MIPOL1: variants seen among roughly 807,000 people sequenced by gnomAD.
MIPOL1 encodes the protein mirror-image polydactyly gene 1 protein.
Under a neutral mutation model 60.9 loss-of-function variants are expected in MIPOL1, and 57 were observed. The observed-to-expected ratio is 0.94, with a 90% CI of 0.76 to 1.17. The LOEUF (loss-of-function observed/expected upper bound fraction) is 1.17. MIPOL1 is among the 50% of genes most tolerant of loss of function. The pLI is 0.00. For missense variants in MIPOL1, 551 were observed against 511.6 expected (o/e 1.08, Z -0.74); for synonymous variants, 179 against 168.8 (o/e 1.06, Z -0.47).
intron 7 of MIPOL1, 106 bp downstream of exon 7, chr14:37,285,553 A>G: frequency 8.9e-7 from 1 of 1,122,176 alleles, no homozygotes; most frequent in Non-Finnish European, 1.2e-6. Flanking sequence ...TATGTGTTAC[A>G]CTAGGAAATT....
intron 12 of MIPOL1, chr14:37,506,058 C>A (rs1040396992): frequency 7.2e-5 from 11 of 151,994 alleles, no homozygotes; most frequent in African/African-American, 2.4e-4. Flanking sequence ...TGTGAAGGAC[C>A]CCTTCAAAGA....
At chr14:37,342,432 C>G (rs1405468168) in intron 9 of MIPOL1, among the ~76,000 whole-genome samples, 1 of 150,968 alleles carries the variant, frequency 6.6e-6, no homozygotes, top group African/African-American at 2.4e-5. Context: ...GAATCTCGCT[C>G]TGTCACCCGG....
At chr14:37,312,025 G>GTTT (rs2087381109) in intron 9 of MIPOL1, among the ~76,000 whole-genome samples, 1 of 151,998 alleles carries the variant, frequency 6.6e-6, no homozygotes. Flanking sequence ...TCTGAATTTG[G>GTTT]GTTTGTTTTT....
At chr14:37,369,453 A>T in intron 9 of MIPOL1, 64 bp from the exon 10 acceptor site, 1 of 1,154,900 alleles carries the variant, frequency 8.7e-7, no homozygotes, top group Non-Finnish European at 1.3e-6. Context: ...ACATTAATTC[A>T]TGTGGCTTGG....
chr14:37,212,001 C>T (rs1258446001), intron 1 of MIPOL1, among the ~76,000 whole-genome samples: 2 of 151,936 alleles, frequency 1.3e-5, no homozygotes, highest in Admixed American at 6.6e-5. Flanking sequence ...AGGAAAGGAC[C>T]CATTTCTGGC....
chr14:37,539,567 G>A (rs917308434), intron 12 of MIPOL1, among the ~76,000 whole-genome samples: 2 of 152,158 alleles, frequency 1.3e-5, no homozygotes, highest in Non-Finnish European at 2.9e-5. Flanking sequence ...TGCCGAGAGA[G>A]TAACCAATAA....
chr14:37,515,600 A>G (rs1031376435), intron 12 of MIPOL1, among the ~76,000 whole-genome samples: 4 of 152,202 alleles, frequency 2.6e-5, no homozygotes, highest in African/African-American at 9.6e-5. Flanking sequence ...TAATGGTAAA[A>G]ATAACATAAA....
chr14:37,220,567 A>C (rs1369064408), intron 1 of MIPOL1, among the ~76,000 whole-genome samples: 1 of 152,222 alleles, frequency 6.6e-6, no homozygotes, highest in Non-Finnish European at 1.5e-5. Context: ...AGCTGGCACC[A>C]TGGGCTAGAT....
intron 12 of MIPOL1, among the ~76,000 whole-genome samples, chr14:37,540,561 G>A (rs552571108): frequency 4.6e-5 from 7 of 152,158 alleles, no homozygotes; most frequent in Middle Eastern, 3.4e-3. Context: ...TGGGTAAGCC[G>A]ATCAATTGCC....
At chr14:37,419,104 C>T (rs188097810) in intron 10 of MIPOL1, among the ~76,000 whole-genome samples, 1 of 152,146 alleles carries the variant, frequency 6.6e-6, no homozygotes, top group Non-Finnish European at 1.5e-5. Flanking sequence ...AGCCAAATGT[C>T]TAACAGGTAA....
chr14:37,477,858 A>G (rs1425588272), intron 11 of MIPOL1, among the ~76,000 whole-genome samples: 1 of 152,256 alleles, frequency 6.6e-6, no homozygotes, highest in Admixed American at 6.5e-5. Flanking sequence ...AATGCCCCAC[A>G]TGGGGCCAGG....
chr14:37,214,899 G>A (rs774012846), intron 1 of MIPOL1, among the ~76,000 whole-genome samples: 2 of 151,900 alleles, frequency 1.3e-5, no homozygotes, highest in Non-Finnish European at 2.9e-5. Context: ...CCCTCGGGGA[G>A]TTTAGAGAAG....
At chr14:37,500,526 A>G (rs552189528) in intron 12 of MIPOL1, among the ~76,000 whole-genome samples, 1 of 152,290 alleles carries the variant, frequency 6.6e-6, no homozygotes, top group South Asian at 2.1e-4. Flanking sequence ...CATCTGTGAC[A>G]TTGCAACCTG....
intron 7 of MIPOL1, among the ~76,000 whole-genome samples, chr14:37,291,521 TTC>T (rs2085053769): frequency 6.6e-6 from 1 of 152,214 alleles, no homozygotes; most frequent in South Asian, 2.1e-4. Context: ...TGTTAGCCCC[TTC>T]TCTTTTATTT....
At chr14:37,405,734 A>G (rs978463112) in intron 10 of MIPOL1, among the ~76,000 whole-genome samples, 1 of 151,942 alleles carries the variant, frequency 6.6e-6, no homozygotes, top group Non-Finnish European at 1.5e-5. Flanking sequence ...GTAAAAAAAA[A>G]GTCTTTCATA....
At chr14:37,460,103 A>G (rs890177282) in intron 11 of MIPOL1, among the ~76,000 whole-genome samples, 25 of 151,190 alleles carry the variant, frequency 1.7e-4, no homozygotes, top group Non-Finnish European at 2.8e-4. Context: ...AATAATAATA[A>G]TAATAATAAT....
intron 10 of MIPOL1, among the ~76,000 whole-genome samples, chr14:37,408,402 G>A (rs2093627546): frequency 6.6e-6 from 1 of 152,110 alleles, no homozygotes; most frequent in African/African-American, 2.4e-5. Context: ...GGTCAAGGCA[G>A]GCAGGTCACT....
At chr14:37,448,718 G>A (rs1296527041) in intron 11 of MIPOL1, among the ~76,000 whole-genome samples, 1 of 152,116 alleles carries the variant, frequency 6.6e-6, no homozygotes. Flanking sequence ...GCAAGAGAGT[G>A]CAAGGGGAAA....
chr14:37,441,269 T>C (rs2094240148), intron 11 of MIPOL1, among the ~76,000 whole-genome samples: 2 of 152,190 alleles, frequency 1.3e-5, no homozygotes, highest in South Asian at 4.1e-4. Context: ...ATGTTGTTGT[T>C]GTTGTTTGTG....
Sources: allele counts gnomAD v4.1 joint callset (sites outside exome capture counted in the v4.1 genomes callset), GRCh38; gene constraint gnomAD v4.1.1; transcripts MANE v1.5; gene names NCBI Gene and HGNC (gene_info 2026-07-23, HGNC 2026-07-21).